The following UPRT variants were observed in gnomAD, a reference collection of about 807,000 sequenced individuals.
UPRT encodes uracil phosphoribosyltransferase homolog, also known as RP11-311P8.3.
Under a neutral mutation model 22.6 loss-of-function variants are expected in UPRT, and 5 were observed. The ratio of observed to expected loss-of-function variants is 0.22; its 90% CI spans 0.12 to 0.47. The LOEUF is 0.47. Ranked by LOEUF, UPRT falls within the 20% of genes least tolerant of loss-of-function variation. The pLI is 0.99. For missense variants in UPRT, 181 were observed against 239.9 expected (o/e 0.75, Z 1.62); for synonymous variants, 77 against 87.7 (o/e 0.88, Z 0.68).
intron 4 of UPRT, among the ~76,000 whole-genome samples, chrX:75,169,432 TA>T (rs1233880226): frequency 8.9e-6 from 1 of 111,841 alleles, no homozygotes; most frequent in Non-Finnish European, 1.9e-5. Context: ...CAACATCTAT[TA>T]TTTTTTTTGG....
chrX:75,218,847 A>G (rs1025963745), intron 4 of UPRT, among the ~76,000 whole-genome samples: 2 of 108,692 alleles, frequency 1.8e-5, no homozygotes, highest in African/African-American at 3.4e-5. Context: ...ATGAGAACAC[A>G]TGGACACAGG....
chrX:75,296,055 G>C (rs1045010989), intron 2 of UPRT, among the ~76,000 whole-genome samples: 48 of 111,929 alleles, frequency 4.3e-4, no homozygotes, highest in African/African-American at 1.6e-3. Context: ...ACTTGCTGGA[G>C]TTTTGTGTCC....
At chrX:75,290,754 A>G (rs1361843013) in intron 1 of UPRT, among the ~76,000 whole-genome samples, 1 of 110,314 alleles carries the variant, frequency 9.1e-6, no homozygotes, top group African/African-American at 3.3e-5. Context: ...CTGGGTACTC[A>G]TGGACATGAA....
At chrX:75,301,006 C>A in intron 6 of UPRT, 41 bp downstream of exon 6, 1 of 988,735 alleles carries the variant, frequency 1.0e-6, no homozygotes. Context: ...TCCATATAGT[C>A]CTGAGGTGGG....
At chrX:75,289,420 C>T (rs2082696331) in intron 1 of UPRT, among the ~76,000 whole-genome samples, 1 of 94,300 alleles carries the variant, frequency 1.1e-5, no homozygotes, top group Admixed American at 1.3e-4. Context: ...CTCAAACTAC[C>T]AACATTATTT....
At chrX:75,284,456 CTGT>C (rs1359904971) in intron 1 of UPRT, among the ~76,000 whole-genome samples, 2 of 111,713 alleles carry the variant, frequency 1.8e-5, no homozygotes, top group African/African-American at 6.5e-5. Context: ...GGGCCAAAGG[CTGT>C]TGTTCAGATT....
chrX:75,280,418 C>T (rs1363703790), intron 1 of UPRT, among the ~76,000 whole-genome samples: 1 of 112,022 alleles, frequency 8.9e-6, no homozygotes, highest in Non-Finnish European at 1.9e-5. Context: ...TAGATTTCAG[C>T]CCTTAATCCA....
chrX:75,268,441 C>T (rs955312919), intron 4 of UPRT, among the ~76,000 whole-genome samples: 2 of 111,126 alleles, frequency 1.8e-5, no homozygotes, highest in African/African-American at 6.6e-5. Flanking sequence ...CACAACCTGG[C>T]AGAGACACAA....
chrX:75,276,675 G>A (rs1174231417), intron 1 of UPRT, among the ~76,000 whole-genome samples: 1 of 111,438 alleles, frequency 9.0e-6, no homozygotes, highest in African/African-American at 3.3e-5. Flanking sequence ...AAATTAACTG[G>A]GAAATTTTAC....
intron 4 of UPRT, among the ~76,000 whole-genome samples, chrX:75,208,472 G>T (rs1047292611): frequency 1.8e-5 from 2 of 111,553 alleles, no homozygotes; most frequent in African/African-American, 6.5e-5. Context: ...AAACCAAAAA[G>T]ACTTTGGGAA....
chrX:75,285,124 G>A (rs1194715561), intron 1 of UPRT, among the ~76,000 whole-genome samples: 1 of 111,232 alleles, frequency 9.0e-6, no homozygotes, highest in East Asian at 2.8e-4. Context: ...CATGTAAACC[G>A]AAGTGCTGGT....
At chrX:75,192,803 G>A (rs2082320120) in intron 4 of UPRT, among the ~76,000 whole-genome samples, 2 of 111,659 alleles carry the variant, frequency 1.8e-5, no homozygotes, top group South Asian at 3.7e-4. Context: ...TCTGTTTTCT[G>A]TTTGCTTGGC....
chrX:75,230,099 C>A (rs750811323), intron 4 of UPRT, among the ~76,000 whole-genome samples: 2 of 111,761 alleles, frequency 1.8e-5, no homozygotes, highest in East Asian at 5.7e-4. Flanking sequence ...ACTGGCCTTG[C>A]AGGCTGCATG....
Position 75,171,446 on chromosome X carries a change from A to G in UPRT, c.-447+3567A>G, listed in dbSNP as rs773392739. 2.7e-5 allele frequency among the ~76,000 whole-genome samples: 3 copies of G among 110,742 alleles called. No individual in the cohort carries two copies. The South Asian group carries it at 1.2e-3, about 43-fold the overall frequency. On this transcript the variant is annotated intron_variant, in intron 4 of 13. Transcript: ENST00000652605. ...GTTGTGATTGTTTTTTATTTACGCT[A>G]TCTATTTCACTGAATATTTCTCCCC...
At chrX:75,277,724 C>G (rs899709269) in intron 1 of UPRT, among the ~76,000 whole-genome samples, 1 of 111,657 alleles carries the variant, frequency 9.0e-6, no homozygotes, top group East Asian at 2.8e-4. Flanking sequence ...ATGTGGAATT[C>G]ACTTTTTTAT....
intron 4 of UPRT, among the ~76,000 whole-genome samples, chrX:75,226,073 AT>A (rs1383364391): frequency 9.0e-6 from 1 of 111,372 alleles, no homozygotes; most frequent in Non-Finnish European, 1.9e-5. Context: ...GTGTATACAA[AT>A]TTTTATCTTC....
At chrX:75,255,592 C>T (rs745572556) in intron 4 of UPRT, among the ~76,000 whole-genome samples, 66 of 111,624 alleles carry the variant, frequency 5.9e-4, no homozygotes, top group African/African-American at 2.0e-3. Context: ...ACTCACCAAC[C>T]AACTACCTGC....
chrX:75,297,402 C>A, intron 3 of UPRT, 89 bp from the exon 4 acceptor site: 1 of 918,863 alleles, frequency 1.1e-6, no homozygotes, highest in South Asian at 2.2e-5. Flanking sequence ...TTGCTTTGTG[C>A]CCATCTACTT....
chrX:75,244,383 C>A (rs1175977938), intron 4 of UPRT, among the ~76,000 whole-genome samples: 1 of 111,958 alleles, frequency 8.9e-6, no homozygotes, highest in African/African-American at 3.2e-5. Context: ...ATCAAACTAC[C>A]AATGACATTC....
Sources: gnomAD v4.1 joint callset for allele counts (sites outside exome capture counted in the v4.1 genomes callset) on GRCh38, gnomAD v4.1.1 for gene constraint, MANE v1.5 for transcripts, NCBI Gene and HGNC (gene_info 2026-07-23, HGNC 2026-07-21) for gene names.